The following ABCC4 variants were observed in gnomAD, a reference collection of about 807,000 sequenced individuals.
ABCC4 encodes the protein ATP binding cassette subfamily C member 4 (PEL blood group), also known as ATP-binding cassette sub-family C member 4.
Under a neutral mutation model 168.5 loss-of-function variants are expected in ABCC4, and 102 were observed. The ratio of observed to expected loss-of-function variants is 0.61; its 90% CI spans 0.52 to 0.71. The LOEUF is 0.71. Among genes scored for constraint, ABCC4 ranks in the 30% least tolerant of loss-of-function variants. The pLI is 0.00. For missense variants in ABCC4, 1,402 were observed against 1,605.8 expected (o/e 0.87, Z 2.17); for synonymous variants, 617 against 590.7 (o/e 1.04, Z -0.65).
chr13:95,131,471 T>C (rs28407723), intron 19 of ABCC4, among the ~76,000 whole-genome samples: 17,763 of 151,944 alleles, frequency 0.12, 1,654 homozygotes, highest in Admixed American at 0.32. Flanking sequence ...CTACTAAAAA[T>C]ATAAAAAATT....
chr13:95,262,568 C>T (rs773484837), intron 1 of ABCC4, among the ~76,000 whole-genome samples: 21 of 151,788 alleles, frequency 1.4e-4, no homozygotes, highest in Admixed American at 5.3e-4. Flanking sequence ...CACAGAGTAG[C>T]AAAATATTTG....
intron 29 of ABCC4, among the ~76,000 whole-genome samples, chr13:95,042,111 G>T (rs894155194): frequency 6.6e-6 from 1 of 152,100 alleles, no homozygotes; most frequent in Non-Finnish European, 1.5e-5. Flanking sequence ...GAGAAGGAAA[G>T]CTCCATGTTG....
In ABCC4 at chr13:95,083,185, AT is replaced by A. The variant is rs2034152895; in HGVS notation, c.2640del (p.Tyr881IlefsTer9). On this transcript the variant is annotated frameshift_variant, in exon 21 of 31. Coordinates refer to ENST00000645237, the MANE Select transcript of ABCC4 (RefSeq NM_005845.5). LOFTEE classifies it high-confidence loss of function. ...PLGIIFIFLR[R>X]YFLETSRDVK... ...ACATCTCTTGACGTTTCCAAAAAAT[AT>A]CGCCGAAGAAAAATGAAAATGATTC... 1 of 1,613,984 alleles carries A rather than the reference AT, an allele frequency of 6.2e-7. No individual in the cohort carries two copies. Among genetic ancestry groups the A allele is most frequent in the Non-Finnish European group, 8.5e-7 (1 of 1,179,982 alleles).
rs377001134 is a variant in ABCC4 at position 95,175,849 on chromosome 13, G to GA, written c.1727+1857_1727+1858insT. On this transcript the variant is annotated intron_variant, in intron 13 of 30. Coordinates refer to ENST00000645237, the MANE Select transcript of ABCC4 (RefSeq NM_005845.5). Reference sequence around the variant, plus strand: ...GCAGAAACAACCTGCCGCTGTGGAAGCCCCCCAGCCTGTGGCATTTTGTGA... The same window carrying GA: ...GCAGAAACAACCTGCCGCTGTGGAAGACCCCCCAGCCTGTGGCATTTTGTGA... Among the ~76,000 whole-genome samples the GA allele has an allele frequency of 8.3e-4, 126 of 152,270 alleles. No individual in the cohort carries two copies. The Middle Eastern group carries it at 0.014, about 16-fold the overall frequency.
At chr13:95,093,320 A>C (rs984805398) in intron 20 of ABCC4, among the ~76,000 whole-genome samples, 2 of 152,128 alleles carry the variant, frequency 1.3e-5, no homozygotes, top group African/African-American at 4.8e-5. Flanking sequence ...GAATCCAACA[A>C]CATATCAAAA....
At chr13:95,236,603 C>T (rs1451259719) in intron 3 of ABCC4, among the ~76,000 whole-genome samples, 1 of 26,852 alleles carries the variant, frequency 3.7e-5, no homozygotes, top group African/African-American at 7.2e-5. Flanking sequence ...CGCGTGCGCG[C>T]ACACACACAC....
At chr13:95,053,286 CATG>C (rs2032917353) in intron 26 of ABCC4, 102 bp from the exon 27 acceptor site, 1 of 902,804 alleles carries the variant, frequency 1.1e-6, no homozygotes, top group Non-Finnish European at 1.8e-6. Context: ...AAATAAAATT[CATG>C]ATAATAATTA....
intron 20 of ABCC4, among the ~76,000 whole-genome samples, chr13:95,091,219 T>C (rs2034423404): frequency 6.6e-6 from 1 of 152,178 alleles, no homozygotes; most frequent in Admixed American, 6.5e-5. Flanking sequence ...TTGGAAAACA[T>C]ATTTGGGCAA....
At chr13:95,032,999 T>A (rs2031954090) in intron 30 of ABCC4, among the ~76,000 whole-genome samples, 1 of 133,408 alleles carries the variant, frequency 7.5e-6, no homozygotes, top group African/African-American at 3.0e-5. Context: ...AGATGGTGTC[T>A]CGCTCTGTCG....
chr13:95,176,229 G>GGC (rs2037689452), intron 13 of ABCC4, among the ~76,000 whole-genome samples: 1 of 53,264 alleles, frequency 1.9e-5, no homozygotes. Context: ...AGGGCAGGGG[G>GGC]GGGGGGGGGG....
At chr13:95,030,455 G>C (rs1196985335) in intron 30 of ABCC4, among the ~76,000 whole-genome samples, 1 of 152,112 alleles carries the variant, frequency 6.6e-6, no homozygotes, top group African/African-American at 2.4e-5. Context: ...CTGTGTTATG[G>C]GCTGATTTGC....
chr13:95,118,842 C>A (rs557633248), intron 19 of ABCC4, among the ~76,000 whole-genome samples: 1 of 152,314 alleles, frequency 6.6e-6, no homozygotes, highest in East Asian at 1.9e-4. Flanking sequence ...AACATCCAAT[C>A]GTTGCTGCTG....
At chr13:95,122,536 A>G (rs543939908) in intron 19 of ABCC4, among the ~76,000 whole-genome samples, 4 of 152,330 alleles carry the variant, frequency 2.6e-5, no homozygotes, top group African/African-American at 9.6e-5. Flanking sequence ...AAGTTTTTAG[A>G]AACAGTGAGG....
chr13:95,121,097 A>G (rs1046859638), intron 19 of ABCC4, among the ~76,000 whole-genome samples: 1 of 152,194 alleles, frequency 6.6e-6, no homozygotes. Flanking sequence ...GGCATGAAAG[A>G]GAAAATGAGG....
chr13:95,079,201 C>T (rs1044461359), intron 21 of ABCC4, among the ~76,000 whole-genome samples: 4 of 152,310 alleles, frequency 2.6e-5, no homozygotes, highest in East Asian at 1.9e-4. Flanking sequence ...TCAGCTCTAA[C>T]GTACTAGTCA....
rs779529353 is a variant in ABCC4, at chr13:95,115,989, T to A, written c.2468A>T (p.Asn823Ile). Residue 823 changes from asparagine (N) to isoleucine (I), a missense_variant, in exon 20 of 31, where the codon AAT becomes ATT. Coordinates refer to ENST00000645237, the MANE Select transcript of ABCC4 (RefSeq NM_005845.5). The stretch of plus-strand genomic sequence containing the variant: ...GTGTCCAATGTCTTTGGAGAAACGA[T>A]TTAAAATTCTTCCTGCAAGAACAGG... ...FDRNPIGRILNRFSKDIGHLD... is the reference protein window; with the variant it reads ...FDRNPIGRILIRFSKDIGHLD... 12 of 1,611,746 alleles carry A rather than the reference T, an allele frequency of 7.4e-6. No individual in the cohort carries two copies. Among genetic ancestry groups the A allele is most frequent in the Non-Finnish European group, 8.5e-6 (10 of 1,179,340 alleles).
At chr13:95,105,393 A>G (rs1232501040) in intron 20 of ABCC4, among the ~76,000 whole-genome samples, 1 of 152,100 alleles carries the variant, frequency 6.6e-6, no homozygotes, top group Admixed American at 6.5e-5. Context: ...GGACCACTGG[A>G]TTAGTCAACA....
At chr13:95,181,365 C>T (rs374867511) in intron 11 of ABCC4, among the ~76,000 whole-genome samples, 1 of 152,226 alleles carries the variant, frequency 6.6e-6, no homozygotes, top group Non-Finnish European at 1.5e-5. Context: ...TTGGGCCACA[C>T]CTTGCTTCCA....
At chr13:95,132,057 T>A (rs2035986036) in intron 19 of ABCC4, among the ~76,000 whole-genome samples, 1 of 152,094 alleles carries the variant, frequency 6.6e-6, no homozygotes, top group African/African-American at 2.4e-5. Flanking sequence ...ACCCAAGACA[T>A]CAATAACAAA....
Sources: allele counts gnomAD v4.1 joint callset (sites outside exome capture counted in the v4.1 genomes callset), GRCh38; gene constraint gnomAD v4.1.1; transcripts MANE v1.5; gene names NCBI Gene and HGNC (gene_info 2026-07-23, HGNC 2026-07-21).